The following USP48 variants were observed in gnomAD, a reference collection of about 807,000 sequenced individuals.
The protein encoded by USP48 is ubiquitin carboxyl-terminal hydrolase 48.
A neutral mutation model predicts 150.7 loss-of-function variants in USP48; 43 were observed. The observed-to-expected ratio is 0.29, with a 90% CI of 0.22 to 0.37. The LOEUF (loss-of-function observed/expected upper bound fraction) is 0.37. USP48 is among the 10% of genes least tolerant of loss of function. The pLI is 1.00. For synonymous variants in USP48, 396 were observed against 425.9 expected, an observed-to-expected ratio of 0.93 and a Z score of 0.86; for missense variants, 813 against 1,249.6, an observed-to-expected ratio of 0.65 and a Z score of 5.27.
chr1:21,692,814 G>C (rs1461188833), intron 23 of USP48, among the ~76,000 whole-genome samples: 1 of 152,150 alleles, frequency 6.6e-6, no homozygotes, highest in Non-Finnish European at 1.5e-5. Flanking sequence ...TTTCACAGAA[G>C]GGTCAATATG....
intron 25 of USP48, chr1:21,686,254 T>C (rs2097580059): frequency 1.3e-5 from 2 of 152,234 alleles, no homozygotes; most frequent in African/African-American, 2.4e-5. Flanking sequence ...TGGCCGTCCT[T>C]GTCTATTCCA....
chr1:21,715,254 A>G lies in USP48; in HGVS notation c.1963+135T>C. On this transcript the variant is annotated intron_variant, in intron 15 of 26. Transcript: ENST00000308271. ...AGTTTCTTTTCCAATGATTTCCTCT[A>G]AATATGGGGAAATTCTATTAAAAAA... is the stretch of plus-strand genomic sequence containing the variant. The G allele has an allele frequency of 1.4e-5, 8 of 573,860 alleles. No homozygotes were observed. The South Asian group carries it at 1.8e-4, about 13-fold the overall frequency. 35.5% of individuals were successfully genotyped at this position (573,860 alleles called of 1,614,324 possible). A position where few individuals can be genotyped will look rare whatever the true frequency, so the allele number is the denominator to read the frequency against.
intron 1 of USP48, chr1:21,782,165 G>A (rs1432179719): frequency 6.6e-6 from 1 of 152,194 alleles, no homozygotes; most frequent in Non-Finnish European, 1.5e-5. Context: ...GAATAAACGG[G>A]AGCAAAGCCT....
Position 21,783,054 on chromosome 1 carries a change from G to A in USP48, c.-97C>T. 7.2e-7 allele frequency: 1 copy of A among 1,395,394 alleles called. No individual in the cohort carries two copies. The highest frequency in any genetic ancestry group is 9.2e-7 in the Non-Finnish European group (1 of 1,082,474). 86.4% of individuals were successfully genotyped at this position (1,395,394 alleles called of 1,614,324 possible). On this transcript the variant is annotated 5_prime_UTR_variant, in exon 1 of 27. Coordinates refer to ENST00000308271, the MANE Select transcript of USP48 (RefSeq NM_032236.8). ...ATGGGCTTCGCCACCTGCCAGCAAG[G>A]AGGACCTGGCGCTCCTTCAGGCAGC...
At chr1:21,740,712 T>C (rs2097779606) in intron 8 of USP48, among the ~76,000 whole-genome samples, 2 of 152,204 alleles carry the variant, frequency 1.3e-5, no homozygotes, top group Admixed American at 1.3e-4. Context: ...GTGAAGATTT[T>C]CACCTCAGTC....
In USP48 at chr1:21,773,266, A is replaced by G. The variant is rs2097887497; in HGVS notation, c.134+9558T>C. Among the ~76,000 whole-genome samples, 4 of 145,598 alleles carry G rather than the reference A, an allele frequency of 2.7e-5. No homozygotes were observed. The South Asian group carries it at 8.7e-4, about 32-fold the overall frequency. On this transcript the variant is annotated intron_variant, in intron 1 of 26. Coordinates refer to ENST00000308271, the MANE Select transcript of USP48 (RefSeq NM_032236.8). Reference sequence around the variant, plus strand: ...TGAGACTCGGTCTCAAAAAAAAAAAAAAAAAAAAGAAAGAAATATTCAATA... The same window carrying G: ...TGAGACTCGGTCTCAAAAAAAAAAAGAAAAAAAAGAAAGAAATATTCAATA...
chr1:21,751,645 A>G, intron 5 of USP48, 30 bp from the exon 6 acceptor site: 1 of 1,559,286 alleles, frequency 6.4e-7, no homozygotes, highest in Non-Finnish European at 8.8e-7. Context: ...CAAAATTCAG[A>G]TCAGAGTGTG....
Position 21,679,292 on chromosome 1 carries a change from T to G in USP48, c.*125A>C. ...TTTGGGACAGTCACGTTTGAATGGA[T>G]TTCTGCCTTTTGGAAGGGGCATGTA... is the stretch of plus-strand genomic sequence containing the variant. On this transcript the variant is annotated 3_prime_UTR_variant, in exon 27 of 27. Coordinates refer to ENST00000308271, the MANE Select transcript of USP48 (RefSeq NM_032236.8). 8.1e-7 allele frequency: 1 copy of G among 1,227,446 alleles called. No individual in the cohort carries two copies. The highest frequency in any genetic ancestry group is 1.2e-6 in the Non-Finnish European group (1 of 832,916). 76.0% of individuals were successfully genotyped at this position (1,227,446 alleles called of 1,614,324 possible).
chr1:21,731,515 C>T (rs1349249680), intron 9 of USP48, among the ~76,000 whole-genome samples: 3 of 151,658 alleles, frequency 2.0e-5, no homozygotes, highest in Admixed American at 6.6e-5. Flanking sequence ...CCTCCCTCCT[C>T]GGCCTCCCAA....
At position 21,703,522 on chromosome 1, in the gene USP48, T is replaced by A. The variant is rs1280459076; in HGVS notation, c.2612A>T (p.Asp871Val). 1 of 1,612,588 alleles carries A rather than the reference T, an allele frequency of 6.2e-7. No individual in the cohort carries two copies. Among genetic ancestry groups the A allele is most frequent in the South Asian group, 1.1e-5 (1 of 90,904 alleles). ...AAGAGGGACCAGTACCTTTTTATTA[T>A]CCACAACTTTATGGACATAGATGGT... ...QATIYVHKVVDNKKVMKDSAP... is the reference protein window; with the variant it reads ...QATIYVHKVVVNKKVMKDSAP... Residue 871 changes from aspartate (D) to valine (V), a missense_variant, in exon 21 of 27, where the codon GAT becomes GTT. Coordinates refer to ENST00000308271, the MANE Select transcript of USP48 (RefSeq NM_032236.8).
intron 10 of USP48, among the ~76,000 whole-genome samples, chr1:21,729,281 C>CAAAAAAAA (rs57704127): frequency 3.3e-5 from 3 of 90,424 alleles, no homozygotes; most frequent in African/African-American, 1.1e-4. Flanking sequence ...GACTCCGCCT[C>CAAAAAAAA]AAAAAAAAAA....
At chr1:21,719,080 A>G (rs1241279756) in intron 14 of USP48, among the ~76,000 whole-genome samples, 2 of 151,526 alleles carry the variant, frequency 1.3e-5, no homozygotes, top group African/African-American at 4.8e-5. Context: ...CAGCTGGCCA[A>G]CATGGTGAAA....
chr1:21,680,986 A>C, intron 25 of USP48, 152 bp from the exon 26 acceptor site: 4 of 602,762 alleles, frequency 6.6e-6, no homozygotes, highest in Non-Finnish European at 8.6e-6. Flanking sequence ...GGATGTTACT[A>C]ATTTCAGAAC....
chr1:21,764,942 A>T (rs1020702148), intron 1 of USP48, among the ~76,000 whole-genome samples: 7 of 152,186 alleles, frequency 4.6e-5, no homozygotes, highest in Non-Finnish European at 8.8e-5. Context: ...CACTTCAGAG[A>T]TCCCAAAGGT....
At chr1:21,715,062 A>C (rs199794740) in intron 15 of USP48, 410 of 222,650 alleles carry the variant, frequency 1.8e-3, no homozygotes, top group Middle Eastern at 3.4e-3. Context: ...CTTGTTGCAC[A>C]GATAAAAAAA....
intron 1 of USP48, among the ~76,000 whole-genome samples, chr1:21,763,496 G>A (rs1314123829): frequency 6.6e-6 from 1 of 152,192 alleles, no homozygotes; most frequent in Admixed American, 6.5e-5. Context: ...CTCTTACTTG[G>A]AGAGGTAAAG....
chr1:21,719,286 A>G (rs546603993), intron 14 of USP48, among the ~76,000 whole-genome samples: 2 of 151,754 alleles, frequency 1.3e-5, no homozygotes, highest in African/African-American at 4.8e-5. Context: ...CATCTCAAAA[A>G]AGTAAAAAAA....
chr1:21,707,157 A>C (rs1370679712), intron 15 of USP48, among the ~76,000 whole-genome samples: 1 of 152,160 alleles, frequency 6.6e-6, no homozygotes, highest in Admixed American at 6.5e-5. Flanking sequence ...AAAACCGTGC[A>C]TTTTCTTTCT....
At chr1:21,697,703 A>T (rs1463012894) in intron 22 of USP48, among the ~76,000 whole-genome samples, 1 of 151,830 alleles carries the variant, frequency 6.6e-6, no homozygotes, top group Admixed American at 6.6e-5. Flanking sequence ...GTCAAATTGA[A>T]CCCAAATTCT....
Sources: allele counts gnomAD v4.1 joint callset (sites outside exome capture counted in the v4.1 genomes callset), GRCh38; gene constraint gnomAD v4.1.1; transcripts MANE v1.5; gene names NCBI Gene and HGNC (gene_info 2026-07-23, HGNC 2026-07-21).